The following LMOD1 variants were observed in gnomAD, a reference collection of about 807,000 sequenced individuals.
The protein encoded by LMOD1 is leiomodin 1, also known as leiomodin-1.
In LMOD1, 8 loss-of-function variants were observed where a neutral mutation model predicts 36.5. The observed-to-expected ratio is 0.22, with a 90% CI of 0.13 to 0.40. The LOEUF is 0.40. Ranked by LOEUF, LMOD1 falls within the 10% of genes least tolerant of loss-of-function variation. The pLI, the probability that LMOD1 is intolerant of heterozygous loss-of-function variation, is 1.00. For synonymous variants in LMOD1, 284 were observed against 288.7 expected (o/e 0.98, Z 0.17); for missense variants, 630 against 751.1 (o/e 0.84, Z 1.88).
intron 1 of LMOD1, among the ~76,000 whole-genome samples, chr1:201,904,125 T>G (rs532972019): frequency 3.2e-4 from 49 of 152,262 alleles, no homozygotes; most frequent in African/African-American, 1.2e-3. Context: ...CGCAGCCCCC[T>G]TCAGAGCTAG....
intron 1 of LMOD1, among the ~76,000 whole-genome samples, chr1:201,924,677 GAAAGAAAGAAAGAA>G (rs1376866854): frequency 2.0e-4 from 4 of 20,496 alleles, no homozygotes; most frequent in African/African-American, 3.7e-4. Context: ...AAGAAAGAAA[GAAAGAAAGAAAGAA>G]AGAAAGAAAG....
chr1:201,906,836 C>A (rs371540654), intron 1 of LMOD1, among the ~76,000 whole-genome samples: 2 of 151,856 alleles, frequency 1.3e-5, no homozygotes, highest in African/African-American at 4.8e-5. Flanking sequence ...TCAGGACTAG[C>A]CTGGGCAACA....
intron 1 of LMOD1, among the ~76,000 whole-genome samples, chr1:201,920,322 C>T (rs995213603): frequency 2.6e-5 from 4 of 151,828 alleles, no homozygotes; most frequent in Non-Finnish European, 5.9e-5. Context: ...AGCCTCCCAC[C>T]CACCATTGAC....
intron 1 of LMOD1, among the ~76,000 whole-genome samples, chr1:201,929,320 G>A (rs914080842): frequency 6.6e-6 from 1 of 151,832 alleles, no homozygotes; most frequent in Non-Finnish European, 1.5e-5. Flanking sequence ...GACTGCAGGT[G>A]ATTCACCTGA....
At chr1:201,910,452 T>G (rs1681476505) in intron 1 of LMOD1, among the ~76,000 whole-genome samples, 1 of 152,066 alleles carries the variant, frequency 6.6e-6, no homozygotes, top group African/African-American at 2.4e-5. Context: ...TTTTATTATG[T>G]TTTGTTTTGT....
intron 1 of LMOD1, among the ~76,000 whole-genome samples, chr1:201,901,689 T>G (rs1202405865): frequency 1.0e-5 from 1 of 97,194 alleles, no homozygotes; most frequent in Admixed American, 1.1e-4. Flanking sequence ...TATATATATG[T>G]GTATATATAT....
At chr1:201,934,628 C>T (rs77280136) in intron 1 of LMOD1, among the ~76,000 whole-genome samples, 2,042 of 152,256 alleles carry the variant, frequency 0.013, 49 homozygotes, top group African/African-American at 0.047. Flanking sequence ...TGAGGAAAAA[C>T]GAGACTTATC....
At chr1:201,943,350 G>A (rs560194374) in intron 1 of LMOD1, among the ~76,000 whole-genome samples, 1 of 152,350 alleles carries the variant, frequency 6.6e-6, no homozygotes, top group Non-Finnish European at 1.5e-5. Flanking sequence ...TTAAAGAAAA[G>A]GTGAATGTGC....
chr1:201,910,744 C>T (rs1342921635), intron 1 of LMOD1, among the ~76,000 whole-genome samples: 444 of 48,828 alleles, frequency 9.1e-3, no homozygotes, highest in Admixed American at 0.011. Context: ...TGGTGTCATT[C>T]TTTTTTTTTT....
chr1:201,909,766 A>G (rs1025485253), intron 1 of LMOD1, among the ~76,000 whole-genome samples: 2 of 152,232 alleles, frequency 1.3e-5, no homozygotes, highest in Non-Finnish European at 2.9e-5. Context: ...TTATGCACTC[A>G]TGCAGTCCTC....
chr1:201,903,105 T>G (rs1681358082), intron 1 of LMOD1, among the ~76,000 whole-genome samples: 1 of 152,008 alleles, frequency 6.6e-6, no homozygotes, highest in Non-Finnish European at 1.5e-5. Context: ...TCTGTCGCAC[T>G]CTCGGGCCCA....
At chr1:201,930,028 G>A (rs1571588851) in intron 1 of LMOD1, among the ~76,000 whole-genome samples, 5 of 152,246 alleles carry the variant, frequency 3.3e-5, no homozygotes, top group African/African-American at 7.2e-5. Context: ...AGTTGGAGGC[G>A]ACAATATGTT....
chr1:201,925,448 A>T (rs186824097), intron 1 of LMOD1, among the ~76,000 whole-genome samples: 1 of 152,306 alleles, frequency 6.6e-6, no homozygotes, highest in Non-Finnish European at 1.5e-5. Flanking sequence ...GTGATGTTCT[A>T]AGACAGCAAC....
chr1:201,916,638 G>C (rs771773139), intron 1 of LMOD1, among the ~76,000 whole-genome samples: 4 of 152,104 alleles, frequency 2.6e-5, no homozygotes, highest in Non-Finnish European at 5.9e-5. Flanking sequence ...AAACCAAGAG[G>C]CATCAGGCCG....
At chr1:201,921,272 G>A (rs1029248377) in intron 1 of LMOD1, among the ~76,000 whole-genome samples, 3 of 151,954 alleles carry the variant, frequency 2.0e-5, no homozygotes, top group Admixed American at 6.6e-5. Flanking sequence ...GGCAGATCAC[G>A]AGGTCAGGAG....
chr1:201,906,340 A>G (rs757618206), intron 1 of LMOD1, among the ~76,000 whole-genome samples: 5 of 152,166 alleles, frequency 3.3e-5, no homozygotes, highest in African/African-American at 4.8e-5. Flanking sequence ...CGCATCCTGC[A>G]TCAGTCCCCC....
intron 1 of LMOD1, among the ~76,000 whole-genome samples, chr1:201,919,491 A>C (rs905033090): frequency 2.6e-5 from 4 of 152,216 alleles, no homozygotes; most frequent in African/African-American, 9.6e-5. Flanking sequence ...GGCATGAGCC[A>C]CCACGCCTGG....
chr1:201,928,286 C>G (rs922525362), intron 1 of LMOD1, among the ~76,000 whole-genome samples: 1 of 152,152 alleles, frequency 6.6e-6, no homozygotes, highest in Non-Finnish European at 1.5e-5. Context: ...TTTTTTCCAG[C>G]GCTTAATTCT....
chr1:201,924,196 C>T (rs1228479339), intron 1 of LMOD1, among the ~76,000 whole-genome samples: 1 of 149,962 alleles, frequency 6.7e-6, no homozygotes, highest in Non-Finnish European at 1.5e-5. Flanking sequence ...CGGTGGCGGG[C>T]ACCTATAGTC....
Sources: allele counts gnomAD v4.1 joint callset (sites outside exome capture counted in the v4.1 genomes callset), GRCh38; gene constraint gnomAD v4.1.1; transcripts MANE v1.5; gene names NCBI Gene and HGNC (gene_info 2026-07-23, HGNC 2026-07-21).